Variants in PTPRJ observed in about 807,000 individuals in gnomAD.
PTPRJ encodes the protein receptor-type tyrosine-protein phosphatase eta.
In PTPRJ, 129 loss-of-function variants were observed where a neutral mutation model predicts 141.3. The ratio of observed to expected loss-of-function variants is 0.91; its 90% CI spans 0.79 to 1.06. The LOEUF (loss-of-function observed/expected upper bound fraction) is 1.06, where lower values mean the gene tolerates loss of function less well. PTPRJ is among the 50% of genes least tolerant of loss of function. The probability of loss-of-function intolerance (pLI) is 0.00; values close to 1 mark genes in which losing one functional copy is unlikely to be tolerated. For synonymous variants in PTPRJ, 610 were observed against 640.5 expected (o/e 0.95, Z 0.72); for missense variants, 1,601 against 1,679.7 (o/e 0.95, Z 0.82).
At chr11:47,992,787 T>G (rs1307309667) in intron 1 of PTPRJ, among the ~76,000 whole-genome samples, 1 of 152,184 alleles carries the variant, frequency 6.6e-6, no homozygotes, top group African/African-American at 2.4e-5. Flanking sequence ...CTGGTAAGTA[T>G]TGTAAAAATA....
intron 1 of PTPRJ, among the ~76,000 whole-genome samples, chr11:48,084,535 AG>A (rs377295343): frequency 9.2e-5 from 14 of 152,180 alleles, no homozygotes; most frequent in Non-Finnish European, 2.9e-5. Flanking sequence ...ATGCAAATGA[AG>A]GGGGCGGGTC....
chr11:48,030,864 A>G (rs141902246), intron 1 of PTPRJ, among the ~76,000 whole-genome samples: 328 of 152,284 alleles, frequency 2.2e-3, no homozygotes, highest in African/African-American at 7.6e-3. Context: ...ATTGGTCATA[A>G]CTCAGTCAGA....
chr11:47,980,955 C>T lies in PTPRJ; in HGVS notation c.43C>T (p.Pro15Ser), dbSNP rs1853885256. 3 of 1,202,940 alleles carry T rather than the reference C, an allele frequency of 2.5e-6. No homozygotes were observed. The highest frequency in any genetic ancestry group is 4.2e-5 in the South Asian group (1 of 24,064). 74.5% of individuals were successfully genotyped at this position (1,202,940 alleles called of 1,614,324 possible). A position where few individuals can be genotyped will look rare whatever the true frequency, so the allele number is the denominator to read the frequency against. The change falls in exon 1 of 25, where the codon CCC becomes TCC. Residue 15 changes from proline (P) to serine (S), a missense_variant. Pro to Ser is a moderately conservative substitution (Grantham distance 74). Coordinates refer to ENST00000418331, the MANE Select transcript of PTPRJ (RefSeq NM_002843.4). The stretch of plus-strand genomic sequence containing the variant: ...GGAGGCGCGGCTGCCTCCGCGCTCG[C>T]CCGGGCTGCGCTGGGCGCTGCCGCT... ...AREARLPPRS[P>S]GLRWALPLLL...
chr11:48,144,141 A>C lies in PTPRJ; in HGVS notation c.2576-534A>C, dbSNP rs1192253660. Among the ~76,000 whole-genome samples, 7 of 152,210 alleles carry C rather than the reference A, an allele frequency of 4.6e-5. No individual in the cohort carries two copies. In the East Asian group the frequency reaches 9.7e-4, roughly 21 times the overall value. On this transcript the variant is annotated intron_variant, in intron 12 of 24. Coordinates refer to ENST00000418331, the MANE Select transcript of PTPRJ (RefSeq NM_002843.4). The stretch of plus-strand genomic sequence containing the variant: ...ACCAAACACACTGTCGGGGTTAGGG[A>C]TCTGGGAGGATAGAAATTTGCTGGT...
Position 48,167,565 on chromosome 11 carries a change from T to A in PTPRJ, c.*203T>A. The stretch of plus-strand genomic sequence containing the variant: ...GGGCTGTGGATGGGTGGGGAGCAAA[T>A]CATCTGCATTCCTGATGACCAATGG... On this transcript the variant is annotated 3_prime_UTR_variant, in exon 25 of 25. Coordinates refer to ENST00000418331, the MANE Select transcript of PTPRJ (RefSeq NM_002843.4). 1 of 469,116 alleles carries A rather than the reference T, an allele frequency of 2.1e-6. No individual in the cohort carries two copies. The allele number at this position is 469,116 out of a possible 1,614,324, so 29.1% of individuals were successfully genotyped here. A position where few individuals can be genotyped will look rare whatever the true frequency, so the allele number is the denominator to read the frequency against.
At chr11:48,020,965 G>T (rs1855101292) in intron 1 of PTPRJ, among the ~76,000 whole-genome samples, 1 of 152,222 alleles carries the variant, frequency 6.6e-6, no homozygotes, top group Admixed American at 6.5e-5. Context: ...AAAAGGGCAG[G>T]CTGGCTACCA....
At chr11:48,040,712 C>T (rs1273179952) in intron 1 of PTPRJ, among the ~76,000 whole-genome samples, 1 of 150,948 alleles carries the variant, frequency 6.6e-6, no homozygotes, top group African/African-American at 2.5e-5. Flanking sequence ...AGCAATTCTG[C>T]TGCCTCAGCC....
At chr11:48,051,331 G>A (rs1397556868) in intron 1 of PTPRJ, among the ~76,000 whole-genome samples, 1 of 152,178 alleles carries the variant, frequency 6.6e-6, no homozygotes, top group Non-Finnish European at 1.5e-5. Flanking sequence ...CTGGGCCCAA[G>A]TGATCTGCTC....
chr11:47,998,881 C>T (rs1037916293), intron 1 of PTPRJ, among the ~76,000 whole-genome samples: 6 of 152,232 alleles, frequency 3.9e-5, no homozygotes, highest in African/African-American at 1.4e-4. Flanking sequence ...AGGGATGTTA[C>T]CTGGAGAGGA....
At chr11:48,122,224 T>A (rs530033156) in intron 4 of PTPRJ, among the ~76,000 whole-genome samples, 5 of 152,066 alleles carry the variant, frequency 3.3e-5, no homozygotes, top group African/African-American at 1.2e-4. Context: ...TCTGTTACAT[T>A]GTGAAAGAGA....
At chr11:47,996,429 A>C (rs183758043) in intron 1 of PTPRJ, among the ~76,000 whole-genome samples, 71 of 151,912 alleles carry the variant, frequency 4.7e-4, no homozygotes, top group African/African-American at 1.6e-3. Context: ...CTTCCCTTAT[A>C]GCTGTGTGAC....
At chr11:48,079,756 C>T (rs551468190) in intron 1 of PTPRJ, among the ~76,000 whole-genome samples, 125 of 152,254 alleles carry the variant, frequency 8.2e-4, no homozygotes, top group African/African-American at 2.5e-3. Flanking sequence ...GGCTTTCCCC[C>T]GCTTGCCTTT....
At chr11:48,043,478 G>T (rs920736459) in intron 1 of PTPRJ, among the ~76,000 whole-genome samples, 1 of 152,234 alleles carries the variant, frequency 6.6e-6, no homozygotes, top group Admixed American at 6.5e-5. Flanking sequence ...CTAGAGGGCT[G>T]TGGGAGCTGA....
chr11:47,990,761 C>G (rs2134178349), intron 1 of PTPRJ, among the ~76,000 whole-genome samples: 1 of 150,434 alleles, frequency 6.6e-6, no homozygotes, highest in African/African-American at 2.5e-5. Flanking sequence ...TCTTGGCTCA[C>G]TGCAAGCTCC....
chr11:48,161,595 A>ATTTCTTTTCT (rs555500255), intron 22 of PTPRJ, among the ~76,000 whole-genome samples: 1 of 151,848 alleles, frequency 6.6e-6, no homozygotes, highest in Non-Finnish European at 1.5e-5. Flanking sequence ...TGTCATGCTT[A>ATTTCTTTTCT]TTTCTTTTCT....
At chr11:48,115,691 G>T (rs1856547428) in intron 3 of PTPRJ, among the ~76,000 whole-genome samples, 1 of 152,142 alleles carries the variant, frequency 6.6e-6, no homozygotes, top group African/African-American at 2.4e-5. Flanking sequence ...TAATATGAAA[G>T]TTAAAAGATA....
intron 16 of PTPRJ, 157 bp downstream of exon 16, chr11:48,149,645 GAATCTATGTTTTATT>G: frequency 1.8e-6 from 1 of 569,474 alleles, no homozygotes; most frequent in Non-Finnish European, 3.0e-6. Context: ...TTTCTGCAAG[GAATCTATGTTTTATT>G]AGTCTCCTGA....
chr11:48,022,158 G>C (rs2134213313), intron 1 of PTPRJ, among the ~76,000 whole-genome samples: 1 of 152,256 alleles, frequency 6.6e-6, no homozygotes, highest in South Asian at 2.1e-4. Context: ...TTATGTAAGT[G>C]TTGGTTGTAT....
intron 23 of PTPRJ, among the ~76,000 whole-genome samples, chr11:48,164,175 T>G (rs1857855245): frequency 6.6e-6 from 1 of 152,178 alleles, no homozygotes; most frequent in Non-Finnish European, 1.5e-5. Flanking sequence ...CTGACTCAAA[T>G]GTGAGTTTGG....
Sources: gnomAD v4.1 joint callset for allele counts (sites outside exome capture counted in the v4.1 genomes callset) on GRCh38, gnomAD v4.1.1 for gene constraint, MANE v1.5 for transcripts, NCBI Gene and HGNC (gene_info 2026-07-23, HGNC 2026-07-21) for gene names.